Variants in SARS2 observed in about 807,000 individuals in gnomAD.
The protein encoded by SARS2 is seryl-tRNA synthetase 2, mitochondrial.
Under a neutral mutation model 66.8 loss-of-function variants are expected in SARS2, and 52 were observed. That is an observed-to-expected ratio of 0.78 (90% CI 0.62 to 0.98). The LOEUF (loss-of-function observed/expected upper bound fraction) is 0.98, where lower values mean the gene tolerates loss of function less well. Ranked by LOEUF, SARS2 falls within the 50% of genes least tolerant of loss-of-function variation. The pLI is 0.00. For synonymous variants in SARS2, 306 were observed against 281.4 expected (o/e 1.09, Z -0.87); for missense variants, 673 against 706.3 (o/e 0.95, Z 0.53).
chr19:38,918,277 G>A (rs1600164214), intron 9 of SARS2, 138 bp from the exon 10 acceptor site: 11 of 1,164,520 alleles, frequency 9.4e-6, no homozygotes, highest in Non-Finnish European at 1.4e-5. Flanking sequence ...CTGCTGTACA[G>A]TAAACAACCT....
intron 1 of SARS2, among the ~76,000 whole-genome samples, chr19:38,929,585 G>T (rs192581703): frequency 1.3e-5 from 2 of 148,982 alleles, no homozygotes; most frequent in East Asian, 3.9e-4. Flanking sequence ...AAAAAAAGTG[G>T]ATTCTAGGCC....
rs375205027 is a variant in SARS2 at position 38,918,801 on chromosome 19, T to C, written c.772A>G (p.Met258Val). ...NKLLRRGFTP[M>V]TVPDLLRGAV... ...CCGCGGAGAAGGTCTGGCACCGTCA[T>C]GGGGGTGAAGCCCTGTTCAGGGGAG... The change falls in exon 8 of 16, where the codon ATG becomes GTG. Residue 258 changes from methionine (M) to valine (V), a missense_variant. Met to Val is a conservative substitution (Grantham distance 21). Transcript: ENST00000221431. 3 of 1,561,518 alleles carry C rather than the reference T, an allele frequency of 1.9e-6. No individual in the cohort carries two copies. The highest frequency in any genetic ancestry group is 3.3e-4 in the Middle Eastern group (2 of 5,992).
At chr19:38,920,780 C>T (rs962063058) in intron 5 of SARS2, among the ~76,000 whole-genome samples, 6 of 151,360 alleles carry the variant, frequency 4.0e-5, no homozygotes, top group Non-Finnish European at 8.8e-5. Context: ...CAGAGATACA[C>T]GGAGATATGC....
chr19:38,930,417 A>G, intron 1 of SARS2, 53 bp downstream of exon 1: 2 of 1,546,150 alleles, frequency 1.3e-6, no homozygotes, highest in African/African-American at 1.4e-5. Context: ...TGCAAACCCA[A>G]TTCTTCCGTA....
chr19:38,919,877 A>C lies in SARS2; in HGVS notation c.654-10T>G. 1.2e-6 allele frequency: 2 copies of C among 1,610,656 alleles called. No individual in the cohort carries two copies. The highest frequency in any genetic ancestry group is 1.1e-5 in the South Asian group (1 of 90,956). ...CACGTGGGACAGGCGCCTGGGAGACAGACAGACAGGCGGGTGCACATGGGC... is the reference window on the plus strand; with the variant it reads ...CACGTGGGACAGGCGCCTGGGAGACCGACAGACAGGCGGGTGCACATGGGC... On this transcript the variant is annotated splice_polypyrimidine_tract_variant and intron_variant, in intron 6 of 15. Coordinates refer to ENST00000221431, the MANE Select transcript of SARS2 (RefSeq NM_017827.4).
Position 38,921,412 on chromosome 19 carries a change from T to G in SARS2, c.569A>C (p.His190Pro). The G allele has an allele frequency of 6.2e-7, 1 of 1,613,798 alleles. No homozygotes were observed. The highest frequency in any genetic ancestry group is 8.5e-7 in the Non-Finnish European group (1 of 1,179,986). Residue 190 changes from histidine to proline, a missense_variant, in exon 5 of 16, where the codon CAC becomes CCC. By Grantham distance (77) the His-to-Pro change is moderately conservative. Coordinates refer to ENST00000221431, the MANE Select transcript of SARS2 (RefSeq NM_017827.4). ...VGDESQARVL[H>P]MVGDKPVFSF... Reference sequence around the variant, plus strand: ...CCCACCTGGCTTGTCTCCGACCATGTGGAGCACTCGAGCCTGGCTCTCATC... The same window carrying G: ...CCCACCTGGCTTGTCTCCGACCATGGGGAGCACTCGAGCCTGGCTCTCATC...
In SARS2 at chr19:38,926,134, C is replaced by T. The variant is rs1974622869; in HGVS notation, c.363+71G>A. 6 of 1,286,848 alleles carry T rather than the reference C, an allele frequency of 4.7e-6. No homozygotes were observed. The East Asian group carries it at 6.9e-5, about 15-fold the overall frequency. 79.7% of individuals were successfully genotyped at this position (1,286,848 alleles called of 1,614,324 possible). On this transcript the variant is annotated intron_variant, in intron 2 of 15. Transcript: ENST00000221431. ...CCAGCCTGTTCAAGTTCTTTAAATTCGGTTTCCTGTTACCTGTGTCTAGAG... is the reference window on the plus strand; with the variant it reads ...CCAGCCTGTTCAAGTTCTTTAAATTTGGTTTCCTGTTACCTGTGTCTAGAG...
chr19:38,920,910 TAC>T (rs1012597533), intron 5 of SARS2, among the ~76,000 whole-genome samples: 12 of 131,046 alleles, frequency 9.2e-5, no homozygotes, highest in African/African-American at 2.6e-4. Flanking sequence ...AACACAGATA[TAC>T]ACACACAGAG....
In SARS2 at chr19:38,917,602, A is replaced by G. The variant is rs951207914; in HGVS notation, c.1160+122T>C. ...GTATATGCTCCTGTAATCCTTGTAC[A>G]GGAAAATGGGGGCAACGAGGGGGCT... On this transcript the variant is annotated intron_variant, in intron 12 of 15. Transcript: ENST00000221431. 5 of 740,478 alleles carry G rather than the reference A, an allele frequency of 6.8e-6. No homozygotes were observed. In the African/African-American group the frequency reaches 7.0e-5, roughly 10 times the overall value. The allele number at this position is 740,478 out of a possible 1,614,324, so 45.9% of individuals were successfully genotyped here.
intron 1 of SARS2, 42 bp downstream of exon 1, chr19:38,930,428 A>G (rs1974714703): frequency 3.8e-6 from 6 of 1,559,358 alleles, no homozygotes; most frequent in Middle Eastern, 1.7e-4. Context: ...TTCTTCCGTA[A>G]AGCAAACGTC....
At position 38,930,485 on chromosome 19, in the gene SARS2, C is replaced by G. The variant is rs765653321; in HGVS notation, c.252G>C (p.Ala84=). The G allele has an allele frequency of 3.3e-5, 53 of 1,599,266 alleles. No individual in the cohort carries two copies. Among genetic ancestry groups the G allele is most frequent in the Non-Finnish European group, 4.3e-5 (50 of 1,170,930 alleles). Residue 84 remains alanine (A), a synonymous_variant, in exon 1 of 16, where the codon GCG becomes GCC. Coordinates refer to ENST00000221431, the MANE Select transcript of SARS2 (RefSeq NM_017827.4). ...GCGCACTCACGATCGCGGGCAGGTC[C>G]GCCGAGCGCAGCTCCCCCTTGCGGA... ...LELRKGELRS[A]DLPAIISTWQ...
chr19:38,924,776 G>A (rs1436573363), intron 2 of SARS2, among the ~76,000 whole-genome samples: 1 of 152,118 alleles, frequency 6.6e-6, no homozygotes. Flanking sequence ...CAGAGTAGCT[G>A]GGACTACAAG....
chr19:38,920,174 T>A, intron 5 of SARS2, 25 bp from the exon 6 acceptor site: 1 of 1,548,474 alleles, frequency 6.5e-7, no homozygotes, highest in Non-Finnish European at 8.7e-7. Flanking sequence ...AAAGCACCGG[T>A]GTAAGGCAGC....
At chr19:38,918,267 C>T (rs1226933407) in intron 9 of SARS2, 128 bp from the exon 10 acceptor site, 2 of 1,180,252 alleles carry the variant, frequency 1.7e-6, no homozygotes, top group African/African-American at 1.5e-5. Context: ...TATCACTGTA[C>T]TGCTGTACAG....
Position 38,917,795 on chromosome 19 carries a change from C to G in SARS2, c.1089G>C (p.Gln363His). 1 of 1,614,122 alleles carries G rather than the reference C, an allele frequency of 6.2e-7. No individual in the cohort carries two copies. Among genetic ancestry groups the G allele is most frequent in the Non-Finnish European group, 8.5e-7 (1 of 1,179,994 alleles). The change falls in exon 12 of 16, where the codon CAG becomes CAC. Residue 363 changes from glutamine (Q) to histidine (H), a missense_variant. Coordinates refer to ENST00000221431, the MANE Select transcript of SARS2 (RefSeq NM_017827.4). ...MFGVTGPGLE[Q>H]SSQLLEEFLS... The stretch of plus-strand genomic sequence containing the variant: ...GGAACTCCTCCAGCAGCTGTGAGCT[C>G]TGCTCCAGCCCAGGGCCTGTCACCC...
intron 3 of SARS2, chr19:38,921,906 G>C: frequency 6.9e-7 from 1 of 1,455,980 alleles, no homozygotes; most frequent in Non-Finnish European, 9.4e-7. Context: ...CTGGCTCAGA[G>C]ACAGGCACCT....
chr19:38,926,752 C>T (rs773133157), intron 1 of SARS2, among the ~76,000 whole-genome samples: 2 of 152,076 alleles, frequency 1.3e-5, no homozygotes, highest in South Asian at 4.1e-4. Flanking sequence ...TGCCACTGCA[C>T]ACTCCAGCCT....
intron 2 of SARS2, among the ~76,000 whole-genome samples, chr19:38,923,350 T>C (rs1362077242): frequency 6.8e-6 from 1 of 146,128 alleles, no homozygotes; most frequent in Non-Finnish European, 1.5e-5. Context: ...GCCTCCCTAG[T>C]AGCTGGGACT....
intron 2 of SARS2, 71 bp downstream of exon 2, chr19:38,926,134 C>A (rs1974622869): frequency 7.8e-7 from 1 of 1,286,860 alleles, no homozygotes; most frequent in South Asian, 1.2e-5. Flanking sequence ...TCTTTAAATT[C>A]GGTTTCCTGT....
Sources: gnomAD v4.1 joint callset for allele counts (sites outside exome capture counted in the v4.1 genomes callset) on GRCh38, gnomAD v4.1.1 for gene constraint, MANE v1.5 for transcripts, NCBI Gene and HGNC (gene_info 2026-07-23, HGNC 2026-07-21) for gene names.